Variants in PDGFRA observed in about 807,000 individuals in gnomAD.
PDGFRA encodes the protein platelet derived growth factor receptor alpha.
A neutral mutation model predicts 121.5 loss-of-function variants in PDGFRA; 25 were observed. That is an observed-to-expected ratio of 0.21 (90% CI 0.15 to 0.29). The LOEUF is 0.29. Ranked by LOEUF, PDGFRA falls within the 10% of genes least tolerant of loss-of-function variation. The pLI, the probability that PDGFRA is intolerant of heterozygous loss-of-function variation, is 1.00. For missense variants in PDGFRA, 1,008 were observed against 1,345.1 expected, an observed-to-expected ratio of 0.75 and a Z score of 3.92; for synonymous variants, 463 against 494.8, an observed-to-expected ratio of 0.94 and a Z score of 0.85.
At chr4:54,260,975 C>T (rs1316490762) in intron 2 of PDGFRA, 120 bp from the exon 3 acceptor site, 33 of 883,672 alleles carry the variant, frequency 3.7e-5, no homozygotes, top group Middle Eastern at 3.5e-4. Flanking sequence ...TCCAGGCTAA[C>T]GGATTTTTGT....
intron 1 of PDGFRA, among the ~76,000 whole-genome samples, chr4:54,254,330 G>T (rs1446988163): frequency 6.6e-6 from 1 of 152,238 alleles, no homozygotes; most frequent in Non-Finnish European, 1.5e-5. Flanking sequence ...TGTTATCAGA[G>T]AAGGGAGTTT....
intron 1 of PDGFRA, among the ~76,000 whole-genome samples, chr4:54,240,638 G>A (rs1355565900): frequency 6.6e-6 from 1 of 152,268 alleles, no homozygotes; most frequent in East Asian, 1.9e-4. Flanking sequence ...AATTTGCAGG[G>A]GAAAATAATT....
intron 16 of PDGFRA, among the ~76,000 whole-genome samples, chr4:54,282,132 G>C (rs1315647412): frequency 6.6e-6 from 1 of 152,134 alleles, no homozygotes; most frequent in Admixed American, 6.6e-5. Context: ...ATAATTATGT[G>C]TAAGATTGGT....
intron 3 of PDGFRA, 136 bp from the exon 4 acceptor site, chr4:54,263,531 G>A (rs1022249200): frequency 1.3e-5 from 11 of 842,604 alleles, no homozygotes; most frequent in Non-Finnish European, 2.2e-5. Flanking sequence ...TGCCAGTGGG[G>A]CAATTCTTCT....
chr4:54,267,812 T>C (rs1004015128), intron 7 of PDGFRA, 71 bp downstream of exon 7: 6 of 1,290,946 alleles, frequency 4.6e-6, no homozygotes, highest in African/African-American at 1.5e-5. Flanking sequence ...TTTGTGTGTG[T>C]CTTACAACCC....
rs952413151 is a variant in PDGFRA at position 54,290,409 on chromosome 4, T to C, written c.2977T>C (p.Tyr993His). 6.2e-7 allele frequency: 1 copy of C among 1,613,978 alleles called. No individual in the cohort carries two copies. The highest frequency in any genetic ancestry group is 1.1e-5 in the South Asian group (1 of 91,086). ...AGACAATGCATACATTGGTGTCACC[T>C]ACAAAAACGAGGAAGACAAGCTGAA... ...DSDNAYIGVT[Y>H]KNEEDKLKDW... The change falls in exon 22 of 23, where the codon TAC (tyrosine) becomes CAC (histidine). Residue 993 changes from tyrosine (Y) to histidine (H), a missense_variant. Tyr to His is a moderately conservative substitution (Grantham distance 83). This residue lies in a region of PDGFRA where 204 missense variants were observed against 243.0 expected (regional missense o/e 0.84). Coordinates refer to ENST00000257290, the MANE Select transcript of PDGFRA (RefSeq NM_006206.6).
chr4:54,290,575 G>A lies in PDGFRA; in HGVS notation c.3122+21G>A, dbSNP rs374438372. 26 of 1,613,796 alleles carry A rather than the reference G, an allele frequency of 1.6e-5. No homozygotes were observed. In the African/African-American group the frequency reaches 1.9e-4, roughly 12 times the overall value. On this transcript the variant is annotated intron_variant, in intron 22 of 22. Coordinates refer to ENST00000257290, the MANE Select transcript of PDGFRA (RefSeq NM_006206.6). The stretch of plus-strand genomic sequence containing the variant: ...CACAGGTAGCTGTGGGGGCAGCCTC[G>A]GTGTCTCACCTTTCCCCTCCCCTAT...
chr4:54,233,464 G>T (rs984975450), intron 1 of PDGFRA, among the ~76,000 whole-genome samples: 9 of 152,240 alleles, frequency 5.9e-5, no homozygotes, highest in African/African-American at 1.7e-4. Flanking sequence ...CGGGGCTGTC[G>T]CGCCCTCTAG....
At chr4:54,249,449 C>T (rs1309002761) in intron 1 of PDGFRA, among the ~76,000 whole-genome samples, 1 of 152,118 alleles carries the variant, frequency 6.6e-6, no homozygotes, top group Admixed American at 6.5e-5. Flanking sequence ...GAATAGTATG[C>T]AGCCATAAAA....
At position 54,295,562 on chromosome 4, in the gene PDGFRA, C is replaced by G; in HGVS notation, c.*290C>G. The G allele has an allele frequency of 2.1e-6, 1 of 472,966 alleles. No homozygotes were observed. Among genetic ancestry groups the G allele is most frequent in the Non-Finnish European group, 3.9e-6 (1 of 257,034 alleles). 29.3% of individuals were successfully genotyped at this position (472,966 alleles called of 1,614,324 possible). Reference sequence around the variant, plus strand: ...GCCACAGAAGGTGAACTTTGTGCTTCAAGGACATTGGTGAGAGTCCAACAG... The same window carrying G: ...GCCACAGAAGGTGAACTTTGTGCTTGAAGGACATTGGTGAGAGTCCAACAG... On this transcript the variant is annotated 3_prime_UTR_variant, in exon 23 of 23. Transcript: ENST00000257290.
rs757923580 is a variant in PDGFRA, at chr4:54,289,051, G to A, written c.2817G>A (p.Lys939=). 1.9e-6 allele frequency: 3 copies of A among 1,612,460 alleles called. No homozygotes were observed. In the South Asian group the frequency reaches 3.3e-5, roughly 18 times the overall value. ...AATGCTGGAACAGTGAGCCGGAGAA[G>A]AGACCCTCCTTTTACCACCTGAGTG... ...MVKCWNSEPE[K]RPSFYHLSEI... The change falls in exon 21 of 23, where the codon AAG becomes AAA. Residue 939 remains lysine, a synonymous_variant. Coordinates refer to ENST00000257290, the MANE Select transcript of PDGFRA (RefSeq NM_006206.6).
At chr4:54,271,568 T>G (rs1723355730) in intron 8 of PDGFRA, among the ~76,000 whole-genome samples, 1 of 139,524 alleles carries the variant, frequency 7.2e-6, no homozygotes, top group South Asian at 2.6e-4. Flanking sequence ...CTTCCTTCCT[T>G]CCTTCCTTCT....
intron 15 of PDGFRA, among the ~76,000 whole-genome samples, chr4:54,279,523 GTTTTTTACATTTCT>G (rs2110320511): frequency 6.6e-6 from 1 of 152,088 alleles, no homozygotes; most frequent in African/African-American, 2.4e-5. Flanking sequence ...TATTTATTTT[GTTTTTTACATTTCT>G]TTTTTTCCCT....
chr4:54,252,962 C>A (rs1722139374), intron 1 of PDGFRA, among the ~76,000 whole-genome samples: 1 of 151,072 alleles, frequency 6.6e-6, no homozygotes. Context: ...CAGGAGATGG[C>A]ACCCTGTTAA....
intron 1 of PDGFRA, among the ~76,000 whole-genome samples, chr4:54,248,796 GAA>G (rs1273796257): frequency 6.6e-6 from 1 of 152,064 alleles, no homozygotes; most frequent in African/African-American, 2.4e-5. Flanking sequence ...CAAAATGGGA[GAA>G]AATTTTTGCA....
chr4:54,278,472 C>G lies in PDGFRA; in HGVS notation c.2113C>G (p.Leu705Val), dbSNP rs763091995. ...CCACCCAGAGAAGCCAAAGAAAGAG[C>G]TGGATATCTTTGGATTGAACCCTGC... is the stretch of plus-strand genomic sequence containing the variant. ...SHHPEKPKKE[L>V]DIFGLNPADE... Residue 705 changes from leucine to valine, a missense_variant, in exon 15 of 23, where the codon CTG (leucine) becomes GTG (valine). Coordinates refer to ENST00000257290, the MANE Select transcript of PDGFRA (RefSeq NM_006206.6). 2 of 1,613,932 alleles carry G rather than the reference C, an allele frequency of 1.2e-6. No individual in the cohort carries two copies. The highest frequency in any genetic ancestry group is 2.2e-5 in the East Asian group (1 of 44,870).
intron 16 of PDGFRA, among the ~76,000 whole-genome samples, chr4:54,284,775 G>T (rs374471645): frequency 2.0e-5 from 3 of 146,560 alleles, no homozygotes; most frequent in African/African-American, 7.6e-5. Context: ...ATTTGGGTGG[G>T]GACACATATC....
At chr4:54,237,672 T>A (rs1406893149) in intron 1 of PDGFRA, among the ~76,000 whole-genome samples, 1 of 152,220 alleles carries the variant, frequency 6.6e-6, no homozygotes, top group Non-Finnish European at 1.5e-5. Context: ...AAGCCTTGCA[T>A]CCCAGGCACA....
intron 1 of PDGFRA, among the ~76,000 whole-genome samples, chr4:54,252,428 G>A (rs910989536): frequency 8.5e-5 from 13 of 152,180 alleles, no homozygotes; most frequent in African/African-American, 3.1e-4. Context: ...AGAACTCAGA[G>A]TTATGATTTG....
Sources: gnomAD v4.1 joint callset for allele counts (sites outside exome capture counted in the v4.1 genomes callset) on GRCh38, gnomAD v4.1.1 for gene constraint, gnomAD v4.1.1 regional missense constraint, MANE v1.5 for transcripts, NCBI Gene and HGNC (gene_info 2026-07-23, HGNC 2026-07-21) for gene names.